Variants in DTNB observed in about 807,000 individuals in gnomAD.
DTNB encodes the protein dystrobrevin beta, also known as DTN-B.
Under a neutral mutation model 90.7 loss-of-function variants are expected in DTNB, and 63 were observed. The observed-to-expected ratio is 0.69, with a 90% CI of 0.57 to 0.86. The LOEUF is 0.86. Among genes scored for constraint, DTNB ranks in the 40% least tolerant of loss-of-function variants. DTNB has a pLI of 0.00. For missense variants in DTNB, 744 were observed against 807.1 expected (o/e 0.92, Z 0.95); for synonymous variants, 277 against 286.7 (o/e 0.97, Z 0.34).
intron 3 of DTNB, 23 bp downstream of exon 3, chr2:25,638,991 A>G: frequency 6.4e-7 from 1 of 1,551,362 alleles, no homozygotes; most frequent in Non-Finnish European, 8.8e-7. Context: ...CAGCTATCAC[A>G]GAAATGAGTA....
At chr2:25,610,185 A>G (rs937944372) in intron 4 of DTNB, among the ~76,000 whole-genome samples, 2 of 152,164 alleles carry the variant, frequency 1.3e-5, no homozygotes, top group African/African-American at 4.8e-5. Flanking sequence ...ATCACAGCAC[A>G]CTGCAGCCTC....
intron 2 of DTNB, among the ~76,000 whole-genome samples, chr2:25,645,973 AG>A (rs1274126543): frequency 6.6e-6 from 1 of 152,200 alleles, no homozygotes; most frequent in Non-Finnish European, 1.5e-5. Flanking sequence ...GGGGAAAGAA[AG>A]GACAAAATTG....
At chr2:25,420,077 G>A (rs1339044299) in intron 15 of DTNB, among the ~76,000 whole-genome samples, 1 of 152,076 alleles carries the variant, frequency 6.6e-6, no homozygotes, top group Non-Finnish European at 1.5e-5. Flanking sequence ...CGAAGCTCTA[G>A]GGGTGGGCCA....
chr2:25,448,638 A>C (rs1243715318), intron 12 of DTNB, among the ~76,000 whole-genome samples: 2 of 152,080 alleles, frequency 1.3e-5, no homozygotes, highest in African/African-American at 2.4e-5. Context: ...GCGGATCATG[A>C]GGTCAGGAGA....
At chr2:25,494,341 T>C (rs1181220560) in intron 9 of DTNB, among the ~76,000 whole-genome samples, 1 of 152,162 alleles carries the variant, frequency 6.6e-6, no homozygotes, top group Non-Finnish European at 1.5e-5. Context: ...GGCATCTCTG[T>C]ATTATCCAAA....
chr2:25,508,402 T>C (rs1242645315), intron 9 of DTNB, among the ~76,000 whole-genome samples: 3 of 152,120 alleles, frequency 2.0e-5, no homozygotes, highest in Non-Finnish European at 4.4e-5. Flanking sequence ...ATATGATCCA[T>C]TCTGAATGTC....
intron 13 of DTNB, 44 bp downstream of exon 13, chr2:25,433,864 TGA>T: frequency 6.2e-7 from 1 of 1,601,126 alleles, no homozygotes; most frequent in Non-Finnish European, 8.5e-7. Context: ...GATACGCACG[TGA>T]TAATCCTGGA....
intron 8 of DTNB, among the ~76,000 whole-genome samples, chr2:25,539,921 CCTA>C (rs890727942): frequency 3.4e-4 from 52 of 152,140 alleles, no homozygotes; most frequent in African/African-American, 1.2e-3. Flanking sequence ...CCAATTTTGT[CCTA>C]CATTTACTAC....
intron 6 of DTNB, among the ~76,000 whole-genome samples, chr2:25,584,104 C>G (rs1457716784): frequency 6.6e-6 from 1 of 152,210 alleles, no homozygotes; most frequent in Non-Finnish European, 1.5e-5. Flanking sequence ...CATCAGGGAA[C>G]CCCTGGAAGG....
intron 12 of DTNB, among the ~76,000 whole-genome samples, chr2:25,436,792 G>T (rs968066119): frequency 2.0e-5 from 3 of 152,196 alleles, no homozygotes; most frequent in African/African-American, 7.2e-5. Context: ...GTGAAGAACA[G>T]GTTTGCAATT....
At chr2:25,441,761 CA>C (rs1460343496) in intron 12 of DTNB, among the ~76,000 whole-genome samples, 1 of 151,998 alleles carries the variant, frequency 6.6e-6, no homozygotes. Flanking sequence ...AATTCAAAGC[CA>C]GGGTTGTTTT....
chr2:25,548,588 G>A (rs1229728595), intron 8 of DTNB, among the ~76,000 whole-genome samples: 3 of 152,134 alleles, frequency 2.0e-5, no homozygotes, highest in African/African-American at 7.2e-5. Flanking sequence ...TTTGCCTGGT[G>A]TGTTGAAAGA....
intron 18 of DTNB, among the ~76,000 whole-genome samples, chr2:25,385,036 G>A (rs534616505): frequency 1.3e-5 from 2 of 152,048 alleles, no homozygotes; most frequent in African/African-American, 4.8e-5. Flanking sequence ...GCACCACCAT[G>A]CCAGGCTAAT....
At chr2:25,593,118 T>C (rs1237830770) in intron 6 of DTNB, among the ~76,000 whole-genome samples, 1 of 152,190 alleles carries the variant, frequency 6.6e-6, no homozygotes, top group African/African-American at 2.4e-5. Flanking sequence ...AAGCAGCTCA[T>C]GGGTCCTTGA....
intron 9 of DTNB, among the ~76,000 whole-genome samples, chr2:25,493,518 C>T (rs960487356): frequency 2.0e-5 from 3 of 152,136 alleles, no homozygotes; most frequent in African/African-American, 7.2e-5. Flanking sequence ...AGTTGTTGTT[C>T]TTTTGCTTCT....
rs549303879 is a variant in DTNB, at chr2:25,420,574, G to T, written c.1555-1039C>A. Among the ~76,000 whole-genome samples the T allele has an allele frequency of 2.6e-5, 4 of 152,006 alleles. No individual in the cohort carries two copies. The East Asian group carries it at 7.7e-4, about 29-fold the overall frequency. On this transcript the variant is annotated intron_variant, in intron 15 of 20. Transcript: ENST00000406818. The stretch of plus-strand genomic sequence containing the variant: ...CTTGTTGCCCAGGATGGAGTGCAAT[G>T]GTGCGATATGGGCTCACTGCAACCT...
chr2:25,563,663 C>T (rs1189881269), intron 8 of DTNB, among the ~76,000 whole-genome samples: 2 of 136,278 alleles, frequency 1.5e-5, no homozygotes, highest in Non-Finnish European at 1.5e-5. Context: ...CATTCTTTTG[C>T]CTGTGAATAT....
intron 9 of DTNB, among the ~76,000 whole-genome samples, chr2:25,506,426 A>G (rs932320189): frequency 6.6e-6 from 1 of 151,876 alleles, no homozygotes; most frequent in African/African-American, 2.4e-5. Context: ...ACAGGTAAAC[A>G]TGTTTCATGG....
At chr2:25,458,487 T>C (rs1574727894) in intron 10 of DTNB, among the ~76,000 whole-genome samples, 1 of 152,128 alleles carries the variant, frequency 6.6e-6, no homozygotes, top group Non-Finnish European at 1.5e-5. Flanking sequence ...GTCTTTTTTT[T>C]AGGCAGGGTC....
Sources: gnomAD v4.1 joint callset for allele counts (sites outside exome capture counted in the v4.1 genomes callset) on GRCh38, gnomAD v4.1.1 for gene constraint, MANE v1.5 for transcripts, NCBI Gene and HGNC (gene_info 2026-07-23, HGNC 2026-07-21) for gene names.